MCUB: variants seen among roughly 807,000 people sequenced by gnomAD.
MCUB encodes calcium uniporter regulatory subunit MCUb, mitochondrial.
Under a neutral mutation model 41.4 loss-of-function variants are expected in MCUB, and 46 were observed. That is an observed-to-expected ratio of 1.11 (90% CI 0.88 to 1.42). The LOEUF is 1.42. MCUB is among the 40% of genes most tolerant of loss of function. MCUB has a pLI of 0.00. For missense variants in MCUB, 403 were observed against 404.9 expected, an observed-to-expected ratio of 1.00 and a Z score of 0.04; for synonymous variants, 148 against 148.2, an observed-to-expected ratio of 1.00 and a Z score of 0.01.
intron 1 of MCUB, chr4:109,648,588 G>C (rs1380405976): frequency 2.3e-6 from 1 of 436,138 alleles, no homozygotes; most frequent in Non-Finnish European, 4.5e-6. Context: ...GAAATATTAA[G>C]ATAACTTTCT....
intron 4 of MCUB, among the ~76,000 whole-genome samples, chr4:109,674,418 AAAG>A (rs2126148896): frequency 6.6e-6 from 1 of 152,334 alleles, no homozygotes; most frequent in East Asian, 1.9e-4. Flanking sequence ...ACTTAGTTCT[AAAG>A]AAGATAACAG....
chr4:109,675,661 G>T (rs562319697), intron 4 of MCUB, among the ~76,000 whole-genome samples: 2 of 152,322 alleles, frequency 1.3e-5, no homozygotes, highest in African/African-American at 4.8e-5. Flanking sequence ...TTGATCCCCA[G>T]TGTTGTGGTG....
chr4:109,660,085 C>T, intron 2 of MCUB, 110 bp from the exon 3 acceptor site: 1 of 630,326 alleles, frequency 1.6e-6, no homozygotes, highest in Non-Finnish European at 2.8e-6. Context: ...TTTTATAAGA[C>T]TTCAGAGGTT....
intron 1 of MCUB, 34 bp downstream of exon 1, chr4:109,560,470 G>T (rs1367904457): frequency 1.9e-6 from 2 of 1,035,676 alleles, no homozygotes; most frequent in Non-Finnish European, 2.5e-6. Context: ...GGGGTTCGGG[G>T]TAGGCTGGTG....
chr4:109,622,759 T>C (rs1728274469), intron 1 of MCUB, among the ~76,000 whole-genome samples: 1 of 152,224 alleles, frequency 6.6e-6, no homozygotes, highest in Non-Finnish European at 1.5e-5. Flanking sequence ...TTCGACTTTA[T>C]GATGGTGTGA....
intron 1 of MCUB, among the ~76,000 whole-genome samples, chr4:109,620,201 C>G (rs1728224624): frequency 6.6e-6 from 1 of 152,080 alleles, no homozygotes; most frequent in Admixed American, 6.6e-5. Flanking sequence ...TCGATTACTT[C>G]TAACTGCAAT....
chr4:109,673,243 T>C (rs1035461616), intron 4 of MCUB, among the ~76,000 whole-genome samples: 5 of 152,214 alleles, frequency 3.3e-5, no homozygotes, highest in Admixed American at 1.3e-4. Context: ...GTTGCATTTA[T>C]GAACAAACAA....
chr4:109,576,115 A>G (rs1727021001), intron 1 of MCUB, among the ~76,000 whole-genome samples: 1 of 152,234 alleles, frequency 6.6e-6, no homozygotes, highest in Non-Finnish European at 1.5e-5. Flanking sequence ...TTCATTTTAT[A>G]GTGATAAGCA....
At chr4:109,643,224 C>T (rs1331956906) in intron 1 of MCUB, among the ~76,000 whole-genome samples, 3 of 152,084 alleles carry the variant, frequency 2.0e-5, no homozygotes, top group Non-Finnish European at 4.4e-5. Flanking sequence ...GTTTCCCTGT[C>T]GCCCAGGCTG....
intron 1 of MCUB, among the ~76,000 whole-genome samples, chr4:109,580,093 T>C (rs1356120459): frequency 6.6e-6 from 1 of 151,766 alleles, no homozygotes; most frequent in Non-Finnish European, 1.5e-5. Flanking sequence ...CGTGTTCTCA[T>C]TGTTCAGTTC....
chr4:109,619,754 G>T (rs930803420), intron 1 of MCUB, among the ~76,000 whole-genome samples: 2 of 152,134 alleles, frequency 1.3e-5, no homozygotes, highest in Non-Finnish European at 2.9e-5. Flanking sequence ...AAGTTAGTCT[G>T]TAATTGTATT....
At chr4:109,680,087 C>T (rs965221572) in intron 4 of MCUB, among the ~76,000 whole-genome samples, 2 of 152,156 alleles carry the variant, frequency 1.3e-5, no homozygotes, top group African/African-American at 4.8e-5. Flanking sequence ...CAGGCGTGAA[C>T]CACCTCACCT....
intron 1 of MCUB, among the ~76,000 whole-genome samples, chr4:109,584,998 G>T (rs1356480685): frequency 6.6e-6 from 1 of 152,134 alleles, no homozygotes; most frequent in African/African-American, 2.4e-5. Flanking sequence ...TTAAGTCCTG[G>T]ATATCCTTGT....
intron 1 of MCUB, among the ~76,000 whole-genome samples, chr4:109,593,289 C>T (rs1440393385): frequency 7.0e-6 from 1 of 143,448 alleles, no homozygotes; most frequent in South Asian, 2.1e-4. Flanking sequence ...GGGAATCACT[C>T]GGATAATAAG....
chr4:109,643,910 A>G (rs1579079912), intron 1 of MCUB, among the ~76,000 whole-genome samples: 1 of 152,370 alleles, frequency 6.6e-6, no homozygotes, highest in South Asian at 2.1e-4. Context: ...ATGTTGGAAA[A>G]TAAACTATTT....
Position 109,597,531 on chromosome 4 carries a change from G to A in MCUB, c.99+37095G>A, listed in dbSNP as rs575100235. ...GGGCTGACCCCCCCACCTCCCTCCCGGACGGGGCGGCTGGCCGGGCAGAGG... is the reference window on the plus strand; with the variant it reads ...GGGCTGACCCCCCCACCTCCCTCCCAGACGGGGCGGCTGGCCGGGCAGAGG... On this transcript the variant is annotated intron_variant, in intron 1 of 7. Coordinates refer to ENST00000394650, the MANE Select transcript of MCUB (RefSeq NM_017918.5). Among the ~76,000 whole-genome samples, 265 of 126,182 alleles carry A rather than the reference G, an allele frequency of 2.1e-3. 2 individuals carry two copies. The highest frequency in any genetic ancestry group is 2.9e-3 in the Non-Finnish European group (172 of 58,566). 82.8% of individuals were successfully genotyped at this position (126,182 alleles called of 152,430 possible).
At chr4:109,612,581 C>A (rs1055297927) in intron 1 of MCUB, among the ~76,000 whole-genome samples, 3 of 152,008 alleles carry the variant, frequency 2.0e-5, no homozygotes, top group African/African-American at 7.2e-5. Context: ...CTCTTAAGGG[C>A]CACTAATCTT....
At chr4:109,581,824 G>A (rs147691324) in intron 1 of MCUB, among the ~76,000 whole-genome samples, 2,726 of 152,008 alleles carry the variant, frequency 0.018, 62 homozygotes, top group South Asian at 0.071. Context: ...CAAAACCACA[G>A]TGAGATACCA....
rs1424445614 is a variant in MCUB at position 109,688,228 on chromosome 4, G to C, written c.*636G>C. 6 of 152,134 alleles carry C rather than the reference G, an allele frequency of 3.9e-5. No individual in the cohort carries two copies. The highest frequency in any genetic ancestry group is 1.2e-4 in the African/African-American group (5 of 41,416). 9.4% of individuals were successfully genotyped at this position (152,134 alleles called of 1,614,324 possible). A position where few individuals can be genotyped will look rare whatever the true frequency, so the allele number is the denominator to read the frequency against. The stretch of plus-strand genomic sequence containing the variant: ...AACAGTTAACTTTCTTCAGCCTCTG[G>C]CAGATTATTAACAAAACAGTATTAT... On this transcript the variant is annotated 3_prime_UTR_variant, in exon 8 of 8. Transcript: ENST00000394650.
Sources: gnomAD v4.1 joint callset for allele counts (sites outside exome capture counted in the v4.1 genomes callset) on GRCh38, gnomAD v4.1.1 for gene constraint, MANE v1.5 for transcripts, NCBI Gene and HGNC (gene_info 2026-07-23, HGNC 2026-07-21) for gene names.